The following ROBO2 variants were observed in gnomAD, a reference collection of about 807,000 sequenced individuals.
The protein encoded by ROBO2 is roundabout homolog 2.
A neutral mutation model predicts 160.8 loss-of-function variants in ROBO2; 53 were observed. The observed-to-expected ratio is 0.33, with a 90% CI of 0.26 to 0.41. The LOEUF (loss-of-function observed/expected upper bound fraction) is 0.41. ROBO2 is among the 10% of genes least tolerant of loss of function. The pLI, the probability that ROBO2 is intolerant of heterozygous loss-of-function variation, is 1.00. For missense variants in ROBO2, 1,577 were observed against 1,722.4 expected, an observed-to-expected ratio of 0.92 and a Z score of 1.49; for synonymous variants, 664 against 611.7, an observed-to-expected ratio of 1.09 and a Z score of -1.26.
At chr3:76,297,863 T>C (rs1382338191) in intron 2 of ROBO2, among the ~76,000 whole-genome samples, 1 of 152,170 alleles carries the variant, frequency 6.6e-6, no homozygotes, top group African/African-American at 2.4e-5. Context: ...CTGTGAATGC[T>C]GTAACATGCA....
chr3:76,870,846 G>C (rs2071963806), intron 2 of ROBO2, among the ~76,000 whole-genome samples: 2 of 151,664 alleles, frequency 1.3e-5, no homozygotes, highest in African/African-American at 4.8e-5. Context: ...GCATACCCAC[G>C]TTGAGAAACA....
At chr3:76,307,446 G>A (rs532461463) in intron 2 of ROBO2, among the ~76,000 whole-genome samples, 4 of 151,816 alleles carry the variant, frequency 2.6e-5, no homozygotes, top group African/African-American at 9.7e-5. Flanking sequence ...GTCAGGTCTT[G>A]CTGGGGCCTT....
At chr3:77,258,184 C>T (rs7632241) in intron 2 of ROBO2, among the ~76,000 whole-genome samples, 2,592 of 152,198 alleles carry the variant, frequency 0.017, 78 homozygotes, top group African/African-American at 0.058. Flanking sequence ...ATTTGAAAGG[C>T]GCATGTAGTT....
intron 2 of ROBO2, among the ~76,000 whole-genome samples, chr3:76,336,867 T>G (rs1034966696): frequency 6.6e-6 from 1 of 152,212 alleles, no homozygotes; most frequent in Non-Finnish European, 1.5e-5. Flanking sequence ...TTTTATGAAC[T>G]ACTTTAAGTA....
At chr3:77,396,260 T>G (rs1003394004) in intron 2 of ROBO2, among the ~76,000 whole-genome samples, 4 of 152,100 alleles carry the variant, frequency 2.6e-5, no homozygotes, top group Admixed American at 2.6e-4. Context: ...GATTTATAAT[T>G]TGTAGAAAAA....
chr3:76,773,600 A>G (rs1365684682), intron 2 of ROBO2, among the ~76,000 whole-genome samples: 1 of 150,672 alleles, frequency 6.6e-6, no homozygotes, highest in South Asian at 2.1e-4. Context: ...TTTGCAGCAT[A>G]GTAAAACACC....
intron 2 of ROBO2, among the ~76,000 whole-genome samples, chr3:76,085,867 C>T (rs2068995567): frequency 6.6e-6 from 1 of 152,196 alleles, no homozygotes; most frequent in South Asian, 2.1e-4. Context: ...TCTAAGAACT[C>T]TACCAGTTCC....
chr3:77,280,591 A>AT (rs1375497237), intron 2 of ROBO2, among the ~76,000 whole-genome samples: 1 of 152,048 alleles, frequency 6.6e-6, no homozygotes, highest in Admixed American at 6.6e-5. Flanking sequence ...TGAATAAACT[A>AT]TTTTTTCCAC....
chr3:76,280,098 A>G (rs1708150313), intron 2 of ROBO2, among the ~76,000 whole-genome samples: 1 of 152,042 alleles, frequency 6.6e-6, no homozygotes, highest in Non-Finnish European at 1.5e-5. Flanking sequence ...TGCTTGGTGT[A>G]CAATAGAACA....
At chr3:77,244,765 C>T (rs1203587753) in intron 2 of ROBO2, among the ~76,000 whole-genome samples, 3 of 151,498 alleles carry the variant, frequency 2.0e-5, no homozygotes, top group African/African-American at 7.3e-5. Context: ...GCAGTCCCAG[C>T]TACTCGGGAG....
At chr3:77,634,754 C>T in intron 23 of ROBO2, 116 bp from the exon 25 acceptor site, 1 of 969,348 alleles carries the variant, frequency 1.0e-6, no homozygotes, top group Non-Finnish European at 1.7e-6. Context: ...TATTTGGTAT[C>T]TTCATATGTT....
chr3:76,594,716 T>C (rs1438647477), intron 2 of ROBO2, among the ~76,000 whole-genome samples: 2 of 152,040 alleles, frequency 1.3e-5, no homozygotes, highest in African/African-American at 4.8e-5. Flanking sequence ...AGTGGATAAA[T>C]GTATTTTATT....
At chr3:77,380,436 A>G (rs533675696) in intron 2 of ROBO2, among the ~76,000 whole-genome samples, 2 of 152,164 alleles carry the variant, frequency 1.3e-5, no homozygotes, top group Non-Finnish European at 2.9e-5. Context: ...AACACAGAGG[A>G]CCCAAGTGTA....
chr3:76,470,901 A>G lies in ROBO2; in HGVS notation c.109+533299A>G, dbSNP rs183438943. ...CTATTCCAACCCCATTTATTTATACATACACTTGGCTGCATGCATTTAGTT... is the reference window on the plus strand; with the variant it reads ...CTATTCCAACCCCATTTATTTATACGTACACTTGGCTGCATGCATTTAGTT... On this transcript the variant is annotated intron_variant, in intron 2 of 26. Transcript: ENST00000487694. Among the ~76,000 whole-genome samples, 408 of 152,208 alleles carry G rather than the reference A, an allele frequency of 2.7e-3. 1 individual carries two copies. Among genetic ancestry groups the G allele is most frequent in the African/African-American group, 9.6e-3 (400 of 41,550 alleles).
At chr3:76,634,112 C>G (rs2090180728) in intron 2 of ROBO2, among the ~76,000 whole-genome samples, 2 of 152,232 alleles carry the variant, frequency 1.3e-5, no homozygotes, top group African/African-American at 4.8e-5. Flanking sequence ...TTTATTTTCT[C>G]ACAGTTCAGC....
chr3:77,546,462 G>A (rs771523003), exon 7 of ROBO2: 3 of 1,613,034 alleles, frequency 1.9e-6, no homozygotes, highest in Non-Finnish European at 2.5e-6. Context: ...AAGGCAGCCA[G>A]GTGAGTGTGA....
At chr3:77,082,195 T>C (rs1416500003) in intron 1 of ROBO2, among the ~76,000 whole-genome samples, 1 of 152,154 alleles carries the variant, frequency 6.6e-6, no homozygotes, top group East Asian at 1.9e-4. Context: ...CTTCTTGTAG[T>C]AAAGAAAAAT....
intron 2 of ROBO2, among the ~76,000 whole-genome samples, chr3:76,473,796 T>G (rs2107145468): frequency 6.6e-6 from 1 of 152,270 alleles, no homozygotes; most frequent in Admixed American, 6.5e-5. Flanking sequence ...AAATGTTAAA[T>G]TTTTTCAGGT....
At chr3:76,847,324 C>G (rs1463017866) in intron 2 of ROBO2, among the ~76,000 whole-genome samples, 4 of 152,090 alleles carry the variant, frequency 2.6e-5, no homozygotes, top group Non-Finnish European at 5.9e-5. Context: ...AATGGTTTAC[C>G]TTGTCTCTAG....
Sources: gnomAD v4.1 joint callset for allele counts (sites outside exome capture counted in the v4.1 genomes callset) on GRCh38, gnomAD v4.1.1 for gene constraint, MANE v1.5 for transcripts, NCBI Gene and HGNC (gene_info 2026-07-23, HGNC 2026-07-21) for gene names.